The following GRIK1 variants were observed in gnomAD, a reference collection of about 807,000 sequenced individuals.
GRIK1 encodes the protein glutamate receptor ionotropic, kainate 1.
Under a neutral mutation model 105.7 loss-of-function variants are expected in GRIK1, and 69 were observed. The ratio of observed to expected loss-of-function variants is 0.65; its 90% CI spans 0.54 to 0.80. GRIK1 has a LOEUF of 0.80. GRIK1 is among the 30% of genes least tolerant of loss of function. GRIK1 has a pLI of 0.00. For missense variants in GRIK1, 1,109 were observed against 1,167.3 expected, an observed-to-expected ratio of 0.95 and a Z score of 0.73; for synonymous variants, 438 against 431.3, an observed-to-expected ratio of 1.02 and a Z score of -0.19.
chr21:29,690,883 A>G (rs1165939818), intron 2 of GRIK1, among the ~76,000 whole-genome samples: 1 of 152,258 alleles, frequency 6.6e-6, no homozygotes. Context: ...GAATCATTAT[A>G]TAAATACAGT....
chr21:29,892,759 T>A (rs1214191021), intron 1 of GRIK1, among the ~76,000 whole-genome samples: 3 of 152,258 alleles, frequency 2.0e-5, no homozygotes, highest in Non-Finnish European at 4.4e-5. Flanking sequence ...CTCTTCCTTT[T>A]TCTTTTTGCT....
chr21:29,847,061 T>A (rs2096511), intron 1 of GRIK1, among the ~76,000 whole-genome samples: 47,773 of 152,022 alleles, frequency 0.31, 8,080 homozygotes, highest in East Asian at 0.46. Flanking sequence ...GCTCTTCTTC[T>A]TTCTGCCTTT....
At chr21:29,895,969 G>A (rs1252283642) in intron 1 of GRIK1, among the ~76,000 whole-genome samples, 1 of 152,128 alleles carries the variant, frequency 6.6e-6, no homozygotes, top group Non-Finnish European at 1.5e-5. Flanking sequence ...TGACCTCTGT[G>A]TTGTCCCTGA....
At chr21:29,715,791 A>T (rs1022442462) in intron 1 of GRIK1, among the ~76,000 whole-genome samples, 2 of 151,700 alleles carry the variant, frequency 1.3e-5, no homozygotes, top group African/African-American at 4.8e-5. Context: ...ATTTCTAAAA[A>T]TATAAACTGG....
intron 1 of GRIK1, among the ~76,000 whole-genome samples, chr21:29,826,674 T>C (rs900305119): frequency 2.6e-5 from 4 of 152,082 alleles, no homozygotes; most frequent in Middle Eastern, 3.2e-3. Flanking sequence ...TGAATACATA[T>C]GTATATGTAT....
intron 1 of GRIK1, among the ~76,000 whole-genome samples, chr21:29,906,867 A>C (rs2070657985): frequency 6.6e-6 from 1 of 152,060 alleles, no homozygotes; most frequent in Admixed American, 6.5e-5. Context: ...GACTAACTAC[A>C]TGAAGGGTTA....
At chr21:29,559,922 G>A (rs1417114684) in intron 15 of GRIK1, among the ~76,000 whole-genome samples, 1 of 151,958 alleles carries the variant, frequency 6.6e-6, no homozygotes, top group Non-Finnish European at 1.5e-5. Flanking sequence ...TATGTCATGT[G>A]GTCTGTAATT....
At chr21:29,878,442 G>T (rs1254054163) in intron 1 of GRIK1, among the ~76,000 whole-genome samples, 2 of 152,100 alleles carry the variant, frequency 1.3e-5, no homozygotes, top group Admixed American at 1.3e-4. Flanking sequence ...TTCAGGTGGA[G>T]CACCTCATCT....
chr21:29,651,109 A>G lies in GRIK1; in HGVS notation c.954+9T>C. ...TTCTTGCAAATGATTTTATTTGAAA[A>G]TGACTTACTGTCATCATGCCATCCA... On this transcript the variant is annotated intron_variant, in intron 6 of 17. Coordinates refer to ENST00000327783, the MANE Select transcript of GRIK1 (RefSeq NM_001330994.2). The G allele has an allele frequency of 6.3e-7, 1 of 1,583,964 alleles. No individual in the cohort carries two copies. Among genetic ancestry groups the G allele is most frequent in the Non-Finnish European group, 8.6e-7 (1 of 1,165,244 alleles).
At chr21:29,576,928 C>T in intron 14 of GRIK1, 36 bp downstream of exon 14, 1 of 1,093,240 alleles carries the variant, frequency 9.1e-7, no homozygotes, top group Non-Finnish European at 1.4e-6. Context: ...CCACAAGTAT[C>T]AGATAATCAC....
At chr21:29,899,275 GT>G (rs1362217009) in intron 1 of GRIK1, among the ~76,000 whole-genome samples, 18 of 152,200 alleles carry the variant, frequency 1.2e-4, no homozygotes, top group African/African-American at 4.1e-4. Context: ...ACCTACTACA[GT>G]TTAGCTTCGA....
In GRIK1 at chr21:29,583,853, G is replaced by T. The variant is rs141431749; in HGVS notation, c.1794-2310C>A. On this transcript the variant is annotated intron_variant, in intron 12 of 17. Transcript: ENST00000327783. ...TTTCAGCTTAGAATTCCTAACACCTGCTTAAAGATAGCCAGTGTGACAGCA... is the reference window on the plus strand; with the variant it reads ...TTTCAGCTTAGAATTCCTAACACCTTCTTAAAGATAGCCAGTGTGACAGCA... Among the ~76,000 whole-genome samples, 1,290 of 152,210 alleles carry T rather than the reference G, an allele frequency of 8.5e-3. 20 individuals carry two copies. Among genetic ancestry groups the T allele is most frequent in the African/African-American group, 0.03 (1,231 of 41,534 alleles).
intron 14 of GRIK1, among the ~76,000 whole-genome samples, chr21:29,573,807 C>T (rs2090816315): frequency 1.3e-5 from 2 of 151,366 alleles, no homozygotes; most frequent in African/African-American, 4.9e-5. Context: ...CAAGACTGCG[C>T]CACTGCACTC....
chr21:29,904,667 A>G (rs760191896), intron 1 of GRIK1, among the ~76,000 whole-genome samples: 11 of 152,088 alleles, frequency 7.2e-5, no homozygotes, highest in Non-Finnish European at 1.5e-4. Context: ...TGAAACATGT[A>G]CTTGTGCAGG....
At chr21:29,714,786 G>A (rs1177204124) in intron 1 of GRIK1, among the ~76,000 whole-genome samples, 3 of 151,860 alleles carry the variant, frequency 2.0e-5, no homozygotes, top group African/African-American at 7.3e-5. Flanking sequence ...TTTCCCTTGA[G>A]ATTCTTTATA....
At chr21:29,661,857 C>T (rs897769057) in intron 4 of GRIK1, among the ~76,000 whole-genome samples, 24 of 152,162 alleles carry the variant, frequency 1.6e-4, no homozygotes, top group Non-Finnish European at 3.1e-4. Context: ...TGCTAAGTTC[C>T]TCTGTTTCCC....
At chr21:29,939,203 A>G (rs944624671) in intron 1 of GRIK1, among the ~76,000 whole-genome samples, 180 bp downstream of exon 1, 1 of 152,274 alleles carries the variant, frequency 6.6e-6, no homozygotes, top group African/African-American at 2.4e-5. Flanking sequence ...GGCACCCTCC[A>G]GGAGGGAAGC....
intron 7 of GRIK1, among the ~76,000 whole-genome samples, chr21:29,610,382 C>T (rs747606934): frequency 1.3e-5 from 2 of 151,888 alleles, no homozygotes; most frequent in Non-Finnish European, 2.9e-5. Context: ...TCTGGGTGGG[C>T]CTAATGTAAC....
At chr21:29,599,195 A>G (rs2061472460) in intron 7 of GRIK1, among the ~76,000 whole-genome samples, 1 of 152,248 alleles carries the variant, frequency 6.6e-6, no homozygotes, top group South Asian at 2.1e-4. Flanking sequence ...CAGTATGGAA[A>G]GAATTGCCGT....
Sources: gnomAD v4.1 joint callset for allele counts (sites outside exome capture counted in the v4.1 genomes callset) on GRCh38, gnomAD v4.1.1 for gene constraint, MANE v1.5 for transcripts, NCBI Gene and HGNC (gene_info 2026-07-23, HGNC 2026-07-21) for gene names.